The following CFH variants were observed in gnomAD, a reference collection of about 807,000 sequenced individuals.
The protein encoded by CFH is H factor 1 (complement).
A neutral mutation model predicts 147.3 loss-of-function variants in CFH; 53 were observed. The observed-to-expected ratio is 0.36, with a 90% CI of 0.29 to 0.45. The LOEUF (loss-of-function observed/expected upper bound fraction) is 0.45, where lower values mean the gene tolerates loss of function less well. CFH is among the 20% of genes least tolerant of loss of function. CFH has a pLI of 1.00. For missense variants in CFH, 1,380 were observed against 1,498.0 expected, an observed-to-expected ratio of 0.92 and a Z score of 1.30; for synonymous variants, 536 against 489.4, an observed-to-expected ratio of 1.10 and a Z score of -1.26.
chr1:196,729,178 T>C (rs1235277216), intron 15 of CFH, among the ~76,000 whole-genome samples: 1 of 152,086 alleles, frequency 6.6e-6, no homozygotes, highest in Non-Finnish European at 1.5e-5. Flanking sequence ...CAGTCTAGGA[T>C]ATACAGAAAG....
chr1:196,721,353 T>C (rs939364556), intron 11 of CFH, among the ~76,000 whole-genome samples: 1 of 152,062 alleles, frequency 6.6e-6, no homozygotes, highest in African/African-American at 2.4e-5. Flanking sequence ...TGTATATGGA[T>C]AGTTTTGAAA....
chr1:196,735,101 G>A (rs1185134148), intron 15 of CFH, among the ~76,000 whole-genome samples: 1 of 152,104 alleles, frequency 6.6e-6, no homozygotes, highest in Non-Finnish European at 1.5e-5. Flanking sequence ...ACACGTGTGT[G>A]TGTGTATGTT....
Position 196,715,698 on chromosome 1 carries a change from G to A in CFH, c.1625G>A (p.Ser542Asn), listed in dbSNP as rs1167670646. The A allele has an allele frequency of 6.2e-7, 1 of 1,612,950 alleles. No individual in the cohort carries two copies. Among genetic ancestry groups the A allele is most frequent in the Admixed American group, 1.7e-5 (1 of 59,900 alleles). ...TATGAATGCCATGATGGTTATGAAA[G>A]CAATACTGGAAGCACCACTGGTTCC... ...LDYECHDGYE[S>N]NTGSTTGSIV... The change falls in exon 11 of 22, where the codon AGC (serine) becomes AAC (asparagine). Residue 542 changes from serine to asparagine, a missense_variant. Ser to Asn is a conservative substitution (Grantham distance 46). Around this residue, in one of 4 missense-constraint regions of CFH, gnomAD observed 830 missense variants for 821.4 expected, o/e 1.01. Transcript: ENST00000367429.
At chr1:196,726,706 C>A in intron 13 of CFH, 54 bp downstream of exon 13, 2 of 1,602,974 alleles carry the variant, frequency 1.2e-6, no homozygotes, top group East Asian at 2.2e-5. Context: ...TATTTTGTAT[C>A]TAAAACACAT....
chr1:196,655,029 C>T (rs539448486), intron 1 of CFH, among the ~76,000 whole-genome samples: 3 of 152,200 alleles, frequency 2.0e-5, no homozygotes, highest in East Asian at 1.9e-4. Context: ...AAATACTTTA[C>T]GTGTTGATAT....
At chr1:196,670,931 T>C (rs6691749) in intron 1 of CFH, among the ~76,000 whole-genome samples, 18 of 152,284 alleles carry the variant, frequency 1.2e-4, no homozygotes, top group African/African-American at 4.3e-4. Context: ...ATTAAACATG[T>C]TTTATAACTT....
intron 20 of CFH, among the ~76,000 whole-genome samples, chr1:196,745,578 G>T (rs979375008): frequency 6.6e-6 from 1 of 152,040 alleles, no homozygotes; most frequent in East Asian, 1.9e-4. Flanking sequence ...CTTAATCCTG[G>T]TCTACCATAA....
intron 7 of CFH, among the ~76,000 whole-genome samples, chr1:196,687,038 A>C (rs535187015): frequency 6.6e-6 from 1 of 152,252 alleles, no homozygotes; most frequent in East Asian, 1.9e-4. Context: ...GCATTAGGGC[A>C]GTTCAGCATT....
chr1:196,735,441 CA>C (rs1423158592), intron 15 of CFH, among the ~76,000 whole-genome samples: 1 of 152,036 alleles, frequency 6.6e-6, no homozygotes, highest in Non-Finnish European at 1.5e-5. Context: ...CAATGTTCTT[CA>C]AATTTATTTG....
rs907937331 is a variant in CFH, at chr1:196,719,297, A to G, written c.1696+3528A>G. ...CCTTTTTAAGATAATGCTTTTCACAATATTACAACAGACAGAATTTATATA... is the reference window on the plus strand; with the variant it reads ...CCTTTTTAAGATAATGCTTTTCACAGTATTACAACAGACAGAATTTATATA... On this transcript the variant is annotated intron_variant, in intron 11 of 21. Transcript: ENST00000367429. Among the ~76,000 whole-genome samples, 8 of 152,112 alleles carry G rather than the reference A, an allele frequency of 5.3e-5. 1 individual carries two copies. Among genetic ancestry groups the G allele is most frequent in the African/African-American group, 1.9e-4 (8 of 41,552 alleles).
intron 9 of CFH, among the ~76,000 whole-genome samples, chr1:196,712,720 C>T (rs1377457839): frequency 6.7e-6 from 1 of 150,056 alleles, no homozygotes; most frequent in Non-Finnish European, 1.5e-5. Context: ...CACCCATTAA[C>T]TCGTCATTTA....
intron 1 of CFH, among the ~76,000 whole-genome samples, chr1:196,671,664 A>ATGTATATATTTATACATATATAT (rs968796198): frequency 2.7e-5 from 4 of 148,900 alleles, no homozygotes; most frequent in African/African-American, 9.8e-5. Context: ...CATAAATATA[A>ATGTATATATTTATACATATATAT]ATATGTGTAT....
rs980729766 is a variant in CFH at position 196,679,705 on chromosome 1, A to G, written c.702A>G (p.Gln234=). Residue 234 remains glutamine (Q), a synonymous_variant, in exon 6 of 22, where the codon CAA becomes CAG. Coordinates refer to ENST00000367429, the MANE Select transcript of CFH (RefSeq NM_000186.4). ...TTTATAAGGAGAATGAACGATTTCAATATAAATGTAACATGGGTTATGAAT... is the reference window on the plus strand; with the variant it reads ...TTTATAAGGAGAATGAACGATTTCAGTATAAATGTAACATGGGTTATGAAT... ...KIIYKENERF[Q]YKCNMGYEYS... is the part of the protein sequence containing the mutation. 3 of 1,610,708 alleles carry G rather than the reference A, an allele frequency of 1.9e-6. 1 individual carries two copies. The highest frequency in any genetic ancestry group is 2.5e-6 in the Non-Finnish European group (3 of 1,177,552).
intron 3 of CFH, among the ~76,000 whole-genome samples, chr1:196,675,345 A>G (rs942399580): frequency 6.6e-6 from 1 of 152,144 alleles, no homozygotes; most frequent in African/African-American, 2.4e-5. Context: ...CTCACTGGGT[A>G]TTCTCAGGAA....
In CFH at chr1:196,715,724, A is replaced by G; in HGVS notation, c.1651A>G (p.Ile551Val). Residue 551 changes from isoleucine to valine, a missense_variant, in exon 11 of 22, where the codon ATA becomes GTA. Transcript: ENST00000367429. The stretch of plus-strand genomic sequence containing the variant: ...CAATACTGGAAGCACCACTGGTTCC[A>G]TAGTGTGTGGTTACAATGGTTGGTC... Reference protein sequence around the residue: ...ESNTGSTTGSIVCGYNGWSDL... With the variant: ...ESNTGSTTGSVVCGYNGWSDL... The G allele has an allele frequency of 1.2e-6, 2 of 1,612,938 alleles. No homozygotes were observed. Among genetic ancestry groups the G allele is most frequent in the South Asian group, 2.2e-5 (2 of 91,060 alleles).
rs547935097 is a variant in CFH at position 196,725,945 on chromosome 1, G to T, written c.1874-525G>T. Among the ~76,000 whole-genome samples the T allele has an allele frequency of 9.9e-5, 15 of 152,250 alleles. No individual in the cohort carries two copies. In the South Asian group the frequency reaches 3.1e-3, roughly 32 times the overall value. ...GACAAACATTTAAACCATACTAGTG[G>T]CTGACAATGGAGGGATTTCTTTGTT... On this transcript the variant is annotated intron_variant, in intron 12 of 21. Coordinates refer to ENST00000367429, the MANE Select transcript of CFH (RefSeq NM_000186.4).
chr1:196,655,505 T>C (rs570138520), intron 1 of CFH, among the ~76,000 whole-genome samples: 1 of 152,332 alleles, frequency 6.6e-6, no homozygotes, highest in Admixed American at 6.5e-5. Flanking sequence ...AGTTCCCAAA[T>C]ATAAGTTCAA....
intron 11 of CFH, among the ~76,000 whole-genome samples, chr1:196,717,329 G>T (rs1668894817): frequency 6.6e-6 from 1 of 152,008 alleles, no homozygotes; most frequent in Non-Finnish European, 1.5e-5. Flanking sequence ...GATTGTGTTA[G>T]TTAGCAGACT....
At chr1:196,656,820 G>A (rs2149066948) in intron 1 of CFH, among the ~76,000 whole-genome samples, 1 of 152,034 alleles carries the variant, frequency 6.6e-6, no homozygotes, top group Non-Finnish European at 1.5e-5. Flanking sequence ...GAAAGTTGTG[G>A]AATTTCAACC....
Sources: allele counts gnomAD v4.1 joint callset (sites outside exome capture counted in the v4.1 genomes callset), GRCh38; gene constraint gnomAD v4.1.1; regional missense constraint gnomAD v4.1.1; transcripts MANE v1.5; gene names NCBI Gene and HGNC (gene_info 2026-07-23, HGNC 2026-07-21).